Variants in ZNF595 observed in about 807,000 individuals in gnomAD.
The protein encoded by ZNF595 is zinc finger protein 595.
Under a neutral mutation model 19.4 loss-of-function variants are expected in ZNF595, and 9 were observed. The ratio of observed to expected loss-of-function variants is 0.46; its 90% confidence interval spans 0.28 to 0.81. The LOEUF (loss-of-function observed/expected upper bound fraction) is 0.81. ZNF595 is among the 30% of genes least tolerant of loss of function. ZNF595 has a pLI of 0.11. For synonymous variants in ZNF595, 255 were observed against 255.9 expected, an observed-to-expected ratio of 1.00 and a Z score of 0.03; for missense variants, 729 against 736.0, an observed-to-expected ratio of 0.99 and a Z score of 0.11.
At chr4:77,986 A>C (rs1553799062) in intron 3 of ZNF595, among the ~76,000 whole-genome samples, 1 of 151,762 alleles carries the variant, frequency 6.6e-6, no homozygotes, top group African/African-American at 2.4e-5. Flanking sequence ...GCTGAGACCA[A>C]AGTCTTCAGG....
rs1213117825 is a variant in ZNF595 at position 67,860 on chromosome 4, CTT to C, written c.226+7708_226+7709del. Reference sequence around the variant, plus strand: ...GACAGTTGTTCAGCACTTCTGGTCTCTTCAGTTCTGATATGATTTTAGGATTG... The same window carrying C: ...GACAGTTGTTCAGCACTTCTGGTCTCCAGTTCTGATATGATTTTAGGATTG... On this transcript the variant is annotated intron_variant, in intron 3 of 3. Transcript: ENST00000610261. 199 of 568,308 alleles carry C rather than the reference CTT, an allele frequency of 3.5e-4. No individual in the cohort carries two copies. The African/African-American group carries it at 3.7e-3, about 11-fold the overall frequency. The allele number at this position is 568,308 out of a possible 1,614,324, so 35.2% of individuals were successfully genotyped here. A position where few individuals can be genotyped will look rare whatever the true frequency, so the allele number is the denominator to read the frequency against.
At chr4:76,973 CTG>C (rs1222897551) in intron 3 of ZNF595, among the ~76,000 whole-genome samples, 2 of 152,140 alleles carry the variant, frequency 1.3e-5, no homozygotes, top group East Asian at 1.9e-4. Flanking sequence ...CTTCATAAAA[CTG>C]AATGTCTGTA....
intron 3 of ZNF595, among the ~76,000 whole-genome samples, chr4:84,929 A>G (rs1201494232): frequency 6.6e-6 from 1 of 152,058 alleles, no homozygotes; most frequent in Admixed American, 6.5e-5. Context: ...AAAGTTTTAA[A>G]TTTTTTAATT....
intron 3 of ZNF595, among the ~76,000 whole-genome samples, chr4:66,260 T>TC (rs1713098849): frequency 6.6e-6 from 1 of 152,150 alleles, no homozygotes. Flanking sequence ...GATTAGAATT[T>TC]TTTTTCAATA....
chr4:86,774 T>G lies in ZNF595; in HGVS notation c.1270T>G (p.Tyr424Asp), dbSNP rs1553801753. The change falls in exon 4 of 4, where the codon TAC becomes GAC. Residue 424 changes from tyrosine to aspartate, a missense_variant. Tyr to Asp is a radical substitution (Grantham distance 160, BLOSUM62 -3). This residue lies in a region of ZNF595 where 729 missense variants were observed against 675.3 expected (regional missense o/e 1.08). Transcript: ENST00000610261. Reference sequence around the variant, plus strand: ...GAGAATTCATACTGGAGAGAAACCCTACACGTGCGAAGAATGTGGCAAAGC... The same window carrying G: ...GAGAATTCATACTGGAGAGAAACCCGACACGTGCGAAGAATGTGGCAAAGC... Reference protein sequence around the residue: ...HKRIHTGEKPYTCEECGKAFN... With the variant: ...HKRIHTGEKPDTCEECGKAFN... 6.2e-7 allele frequency: 1 copy of G among 1,613,898 alleles called. No homozygotes were observed. Among genetic ancestry groups the G allele is most frequent in the Admixed American group, 1.7e-5 (1 of 59,988 alleles).
In ZNF595 at chr4:87,043, T is replaced by C. The variant is rs1714236402; in HGVS notation, c.1539T>C (p.Cys513=). The change falls in exon 4 of 4, where the codon TGT becomes TGC. Residue 513 remains cysteine, a synonymous_variant. Transcript: ENST00000610261. ...AGAAACCCTACAAATGTAAAGAATG[T>C]GGCAAAGCTTTTAACCAATCCTCAG... The part of the protein sequence containing the change: ...TGEKPYKCKE[C]GKAFNQSSGL... The C allele has an allele frequency of 6.2e-7, 1 of 1,613,910 alleles. No individual in the cohort carries two copies. Among genetic ancestry groups the C allele is most frequent in the Non-Finnish European group, 8.5e-7 (1 of 1,180,010 alleles).
chr4:85,362 T>C (rs1714088213), intron 3 of ZNF595, among the ~76,000 whole-genome samples: 1 of 152,200 alleles, frequency 6.6e-6, no homozygotes, highest in Non-Finnish European at 1.5e-5. Flanking sequence ...AGTAAGGATA[T>C]GTGTATCAGT....
Position 86,193 on chromosome 4 carries a change from G to A in ZNF595, c.689G>A (p.Cys230Tyr). The change falls in exon 4 of 4, where the codon TGT becomes TAT. Residue 230 changes from cysteine to tyrosine, a missense_variant. By Grantham distance (194) the Cys-to-Tyr change is radical (BLOSUM62 -2). This residue lies in a region of ZNF595 where 729 missense variants were observed against 675.3 expected (regional missense o/e 1.08). Transcript: ENST00000610261. ...RIHTGEKPYT[C>Y]EECGKAFRRS... ...CATACTGGAGAGAAACCCTACACAT[G>A]TGAAGAATGTGGCAAAGCCTTTAGA... is the stretch of plus-strand genomic sequence containing the variant. 1.9e-6 allele frequency: 3 copies of A among 1,613,844 alleles called. No homozygotes were observed. Among genetic ancestry groups the A allele is most frequent in the African/African-American group, 1.3e-5 (1 of 75,008 alleles).
At position 86,306 on chromosome 4, in the gene ZNF595, T is replaced by A; in HGVS notation, c.802T>A (p.Ser268Thr). The change falls in exon 4 of 4, where the codon TCC becomes ACC. Residue 268 changes from serine to threonine, a missense_variant. Physicochemically the swap from Ser to Thr is moderately conservative, Grantham distance 58. Transcript: ENST00000610261. ...CEECGKAFTR[S>T]TTLNEHKKIH... ...AGAATGTGGCAAAGCCTTTACAAGG[T>A]CCACAACACTGAATGAACACAAGAA... 6.2e-7 allele frequency: 1 copy of A among 1,613,286 alleles called. No homozygotes were observed.
Position 82,372 on chromosome 4 carries a change from GTTTTTTTTTTTT to G in ZNF595, c.227-3342_227-3331del, listed in dbSNP as rs34932652. Reference sequence around the variant, plus strand: ...CAAAAGTCCATTTTTTTGGTTTGTGGTTTTTTTTTTTTTTTTTTTTTTTTTTTTGAGATGGAG... The same window carrying G: ...CAAAAGTCCATTTTTTTGGTTTGTGGTTTTTTTTTTTTTTTTGAGATGGAG... On this transcript the variant is annotated intron_variant, in intron 3 of 3. Coordinates refer to ENST00000610261, the MANE Select transcript of ZNF595 (RefSeq NM_182524.4). Among the ~76,000 whole-genome samples the G allele has an allele frequency of 6.2e-4, 53 of 85,920 alleles. 1 individual carries two copies. The highest frequency in any genetic ancestry group is 1.2e-3 in the Non-Finnish European group (50 of 42,888). 56.4% of individuals were successfully genotyped at this position (85,920 alleles called of 152,430 possible).
intron 3 of ZNF595, among the ~76,000 whole-genome samples, chr4:83,782 T>C (rs1270116697): frequency 6.6e-6 from 1 of 152,078 alleles, no homozygotes. Context: ...ATTCATGTTA[T>C]TTTATTAATT....
rs1714263533 is a variant in ZNF595, at chr4:87,308, A to G, written c.1804A>G (p.Asn602Asp). Reference sequence around the variant, plus strand: ...ATGTGAAGAATGTGGCAAAGCCTTCAATTGGTCCTCATCCCTTACTAAACA... The same window carrying G: ...ATGTGAAGAATGTGGCAAAGCCTTCGATTGGTCCTCATCCCTTACTAAACA... ...FTCEECGKAF[N>D]WSSSLTKHKI... The change falls in exon 4 of 4, where the codon AAT (asparagine) becomes GAT (aspartate). Residue 602 changes from asparagine (N) to aspartate (D), a missense_variant. Transcript: ENST00000610261. 6.2e-7 allele frequency: 1 copy of G among 1,613,558 alleles called. No homozygotes were observed. The highest frequency in any genetic ancestry group is 1.3e-5 in the African/African-American group (1 of 74,908).
At chr4:66,474 T>C (rs1244118650) in intron 3 of ZNF595, among the ~76,000 whole-genome samples, 1 of 152,058 alleles carries the variant, frequency 6.6e-6, no homozygotes, top group Non-Finnish European at 1.5e-5. Flanking sequence ...TTCTGTGCTT[T>C]TGAATTTTTT....
At chr4:84,764 C>T (rs993921276) in intron 3 of ZNF595, among the ~76,000 whole-genome samples, 1 of 152,120 alleles carries the variant, frequency 6.6e-6, no homozygotes, top group East Asian at 1.9e-4. Flanking sequence ...GTATTTTTCA[C>T]ATCCACAATT....
chr4:73,492 G>A (rs1352900756), intron 3 of ZNF595, among the ~76,000 whole-genome samples: 1 of 152,198 alleles, frequency 6.6e-6, no homozygotes, highest in Non-Finnish European at 1.5e-5. Flanking sequence ...AGGGAAAAAT[G>A]AGAATTTAGA....
chr4:71,947 C>T (rs556358716), intron 3 of ZNF595, among the ~76,000 whole-genome samples: 7 of 152,088 alleles, frequency 4.6e-5, no homozygotes, highest in African/African-American at 1.4e-4. Context: ...CAGAGGCACA[C>T]AGTGCAGAGG....
chr4:75,560 C>T, intron 3 of ZNF595, among the ~76,000 whole-genome samples: 1 of 152,186 alleles, frequency 6.6e-6, no homozygotes, highest in Non-Finnish European at 1.5e-5. Context: ...TTGGAGAGGA[C>T]TCTCAAACCA....
rs1712555930 is a variant in ZNF595, at chr4:54,926, G to T, written c.3+1435G>T. The stretch of plus-strand genomic sequence containing the variant: ...AGATGGCGTCTTGCTCTGTTGCCCA[G>T]GCTGGAGTGCAGTGGCGTGATCTCG... On this transcript the variant is annotated intron_variant, in intron 1 of 3. Coordinates refer to ENST00000610261, the MANE Select transcript of ZNF595 (RefSeq NM_182524.4). Among the ~76,000 whole-genome samples the T allele has an allele frequency of 8.5e-5, 13 of 152,318 alleles. No homozygotes were observed. In the South Asian group the frequency reaches 2.7e-3, roughly 32 times the overall value.
chr4:79,073 A>G (rs1433556171), intron 3 of ZNF595, among the ~76,000 whole-genome samples: 1 of 152,218 alleles, frequency 6.6e-6, no homozygotes. Flanking sequence ...ATTTTACCTT[A>G]CAAAAGTAAA....
Sources: allele counts gnomAD v4.1 joint callset (sites outside exome capture counted in the v4.1 genomes callset), GRCh38; gene constraint gnomAD v4.1.1; regional missense constraint gnomAD v4.1.1; transcripts MANE v1.5; gene names NCBI Gene and HGNC (gene_info 2026-07-23, HGNC 2026-07-21).